Variants in KIAA1671 observed in about 807,000 individuals in gnomAD.
The protein encoded by KIAA1671 is uncharacterized protein KIAA1671.
A neutral mutation model predicts 131.2 loss-of-function variants in KIAA1671; 52 were observed. The observed-to-expected ratio is 0.40, with a 90% confidence interval of 0.32 to 0.50. KIAA1671 has a LOEUF of 0.50. Among genes scored for constraint, KIAA1671 ranks in the 20% least tolerant of loss-of-function variants. The pLI, the probability that KIAA1671 is intolerant of heterozygous loss-of-function variation, is 0.73. For missense variants in KIAA1671, 2,360 were observed against 2,364.2 expected (o/e 1.00, Z 0.04); for synonymous variants, 1,003 against 961.6 (o/e 1.04, Z -0.80).
intron 1 of KIAA1671, among the ~76,000 whole-genome samples, chr22:25,005,866 C>A (rs1053564117): frequency 1.3e-5 from 2 of 152,170 alleles, no homozygotes; most frequent in African/African-American, 4.8e-5. Flanking sequence ...ACCCAGGTGA[C>A]TTCCTCTCTC....
At chr22:24,971,043 T>C (rs1922586198) in intron 1 of KIAA1671, among the ~76,000 whole-genome samples, 1 of 152,220 alleles carries the variant, frequency 6.6e-6, no homozygotes, top group South Asian at 2.1e-4. Context: ...CTGTATCCTC[T>C]GCCTCCCGGA....
chr22:25,017,244 C>T (rs1023278720), intron 1 of KIAA1671, among the ~76,000 whole-genome samples: 1 of 152,106 alleles, frequency 6.6e-6, no homozygotes, highest in Non-Finnish European at 1.5e-5. Flanking sequence ...TTAGCTGGGC[C>T]TGGTGGCAGG....
At chr22:24,976,657 G>T (rs566315407) in intron 1 of KIAA1671, among the ~76,000 whole-genome samples, 17 of 152,336 alleles carry the variant, frequency 1.1e-4, no homozygotes, top group African/African-American at 3.6e-4. Flanking sequence ...CACCCCTGTG[G>T]GTGGAGGAAC....
chr22:25,097,856 T>C (rs1455320533), intron 6 of KIAA1671, among the ~76,000 whole-genome samples: 1 of 152,126 alleles, frequency 6.6e-6, no homozygotes, highest in Non-Finnish European at 1.5e-5. Context: ...TACAGGAAGT[T>C]TTCCAAGTCC....
At chr22:25,087,410 C>G (rs140643442) in intron 6 of KIAA1671, among the ~76,000 whole-genome samples, 192 of 152,252 alleles carry the variant, frequency 1.3e-3, no homozygotes, top group African/African-American at 4.5e-3. Context: ...GTGATGAAAC[C>G]CTGTCTCTAC....
At chr22:25,010,564 T>C (rs1304571348) in intron 1 of KIAA1671, 1 of 150,964 alleles carries the variant, frequency 6.6e-6, no homozygotes, top group Non-Finnish European at 1.5e-5. Context: ...ACTATCTCTT[T>C]TAATCCTCAG....
chr22:25,004,217 GTGAGCCTCCGACC>G (rs72293725), intron 1 of KIAA1671, among the ~76,000 whole-genome samples: 30,737 of 151,596 alleles, frequency 0.2, 3,315 homozygotes, highest in East Asian at 0.45. Context: ...CTGGGCTCCA[GTGAGCCTCCGACC>G]TGAGCCTCCT....
Position 25,040,610 on chromosome 22 carries a change from C to T in KIAA1671, c.3480C>T (p.Pro1160=). ...ANKMSPSGGA[P]QTTPTLRSRP... ...AGATGTCCCCCAGCGGCGGAGCTCC[C>T]CAAACCACCCCGACTCTGAGGAGTC... Residue 1160 remains proline, a synonymous_variant, in exon 5 of 13, where the codon CCC becomes CCT. Coordinates refer to ENST00000358431, the MANE Select transcript of KIAA1671 (RefSeq NM_001145206.2). The T allele has an allele frequency of 1.3e-6, 2 of 1,551,764 alleles. No homozygotes were observed. Among genetic ancestry groups the T allele is most frequent in the Non-Finnish European group, 1.7e-6 (2 of 1,147,018 alleles).
Position 25,182,706 on chromosome 22 carries a change from A to G in KIAA1671, c.5199+883A>G, listed in dbSNP as rs1301553440. ...CCCCCAAACCTGCTGCTCTGGTGTC[A>G]TAGCTAAGCCTTGGTTTGCTTATCT... On this transcript the variant is annotated intron_variant, in intron 10 of 12. Coordinates refer to ENST00000358431, the MANE Select transcript of KIAA1671 (RefSeq NM_001145206.2). Among the ~76,000 whole-genome samples the G allele has an allele frequency of 2.6e-5, 4 of 152,344 alleles. No homozygotes were observed. In the East Asian group the frequency reaches 7.7e-4, roughly 29 times the overall value.
intron 1 of KIAA1671, among the ~76,000 whole-genome samples, chr22:24,956,529 G>A (rs1268688094): frequency 6.6e-6 from 1 of 152,204 alleles, no homozygotes; most frequent in Non-Finnish European, 1.5e-5. Context: ...GGGTGTGGAA[G>A]GGATAAATTG....
In KIAA1671 at chr22:24,973,468, G is replaced by A. The variant is rs533626141; in HGVS notation, c.-208+20696G>A. Among the ~76,000 whole-genome samples the A allele has an allele frequency of 2.3e-4, 30 of 132,776 alleles. No homozygotes were observed. The South Asian group carries it at 4.2e-3, about 18-fold the overall frequency. 87.1% of individuals were successfully genotyped at this position (132,776 alleles called of 152,430 possible). On this transcript the variant is annotated intron_variant, in intron 1 of 12. Transcript: ENST00000358431. ...GGCTGGAGTGCAATGGCGTGATCTC[G>A]GCTCACTGCAACCTCCACCTCCCGG... is the stretch of plus-strand genomic sequence containing the variant.
Position 25,039,124 on chromosome 22 carries a change from T to A in KIAA1671, c.1994T>A (p.Met665Lys). 6.4e-7 allele frequency: 1 copy of A among 1,551,456 alleles called. No homozygotes were observed. Among genetic ancestry groups the A allele is most frequent in the Non-Finnish European group, 8.7e-7 (1 of 1,147,004 alleles). Residue 665 changes from methionine to lysine, a missense_variant, in exon 5 of 13, where the codon ATG (methionine) becomes AAG (lysine). This residue lies in a region of KIAA1671 where 1,185 missense variants were observed against 1,126.2 expected (regional missense o/e 1.05). Coordinates refer to ENST00000358431, the MANE Select transcript of KIAA1671 (RefSeq NM_001145206.2). ...GSWLGRDPPD[M>K]TKLKKENSRG... Reference sequence around the variant, plus strand: ...TGGCTGGGCAGGGACCCACCAGACATGACAAAACTGAAGAAAGAGAACTCC... The same window carrying A: ...TGGCTGGGCAGGGACCCACCAGACAAGACAAAACTGAAGAAAGAGAACTCC...
chr22:25,106,858 T>G (rs1293961653), intron 6 of KIAA1671, among the ~76,000 whole-genome samples: 2 of 152,240 alleles, frequency 1.3e-5, no homozygotes. Context: ...AAGTCCCTTT[T>G]TGAATAATTA....
chr22:25,130,790 C>T (rs1932410394), intron 6 of KIAA1671, among the ~76,000 whole-genome samples: 1 of 152,150 alleles, frequency 6.6e-6, no homozygotes, highest in Non-Finnish European at 1.5e-5. Context: ...GAAGCCTGTC[C>T]CTCCTGGGGA....
At chr22:25,191,464 TTACAG>T (rs1207059812) in intron 12 of KIAA1671, among the ~76,000 whole-genome samples, 12 of 152,178 alleles carry the variant, frequency 7.9e-5, no homozygotes, top group Admixed American at 7.9e-4. Flanking sequence ...CCAGAAATGG[TTACAG>T]TTTTTATAGG....
intron 6 of KIAA1671, among the ~76,000 whole-genome samples, chr22:25,165,145 A>G (rs1933603461): frequency 6.6e-6 from 1 of 152,136 alleles, no homozygotes; most frequent in Admixed American, 6.6e-5. Flanking sequence ...TTACCAGGAT[A>G]CTAACTAGAG....
intron 1 of KIAA1671, among the ~76,000 whole-genome samples, chr22:24,970,144 G>A (rs1922522854): frequency 6.6e-6 from 1 of 152,176 alleles, no homozygotes; most frequent in South Asian, 2.1e-4. Flanking sequence ...AGTCCCAGCA[G>A]GCTGGGAGGT....
At chr22:25,001,197 G>GTGTGTATGTGTA (rs1924454042) in intron 1 of KIAA1671, among the ~76,000 whole-genome samples, 1 of 103,912 alleles carries the variant, frequency 9.6e-6, no homozygotes, top group Non-Finnish European at 2.0e-5. Flanking sequence ...GTATATATGT[G>GTGTGTATGTGTA]TGTATGTGTA....
intron 1 of KIAA1671, among the ~76,000 whole-genome samples, chr22:24,985,486 C>CCCGCCA: frequency 6.6e-6 from 1 of 152,162 alleles, no homozygotes; most frequent in South Asian, 2.1e-4. Context: ...ACTACAGGCG[C>CCCGCCA]CCGCCACCGC....
Sources: allele counts gnomAD v4.1 joint callset (sites outside exome capture counted in the v4.1 genomes callset), GRCh38; gene constraint gnomAD v4.1.1; regional missense constraint gnomAD v4.1.1; transcripts MANE v1.5; gene names NCBI Gene and HGNC (gene_info 2026-07-23, HGNC 2026-07-21).